Variants in CPNE4 observed in about 807,000 individuals in gnomAD.
CPNE4 encodes the protein copine 4.
A neutral mutation model predicts 67.9 loss-of-function variants in CPNE4; 25 were observed. That is an observed-to-expected ratio of 0.37 (90% CI 0.27 to 0.51). The LOEUF is 0.51. Ranked by LOEUF, CPNE4 falls within the 20% of genes least tolerant of loss-of-function variation. CPNE4 has a pLI of 0.93. For missense variants in CPNE4, 464 were observed against 690.8 expected, an observed-to-expected ratio of 0.67 and a Z score of 3.68; for synonymous variants, 242 against 244.9, an observed-to-expected ratio of 0.99 and a Z score of 0.11.
intron 1 of CPNE4, among the ~76,000 whole-genome samples, chr3:132,014,894 G>T (rs866557231): frequency 6.6e-6 from 1 of 152,042 alleles, no homozygotes; most frequent in Admixed American, 6.6e-5. Context: ...TTTTAAAATG[G>T]ATCCTATTAT....
intron 7 of CPNE4, among the ~76,000 whole-genome samples, chr3:131,665,984 G>A (rs2080249368): frequency 6.6e-6 from 1 of 152,190 alleles, no homozygotes; most frequent in Non-Finnish European, 1.5e-5. Flanking sequence ...ATATTATCAA[G>A]TTTTGGGTTT....
intron 2 of CPNE4, among the ~76,000 whole-genome samples, chr3:131,870,182 G>T (rs913010487): frequency 1.3e-5 from 2 of 152,164 alleles, no homozygotes; most frequent in South Asian, 4.1e-4. Context: ...ACAATCCTAG[G>T]GCTCACATGG....
intron 8 of CPNE4, among the ~76,000 whole-genome samples, chr3:131,582,820 C>G (rs896283591): frequency 3.3e-5 from 5 of 151,754 alleles, no homozygotes; most frequent in Admixed American, 3.3e-4. Flanking sequence ...CCTGGCCATC[C>G]TGGCTGCTGA....
chr3:131,963,808 C>T (rs74490477), intron 1 of CPNE4, among the ~76,000 whole-genome samples: 18,753 of 152,182 alleles, frequency 0.12, 3,798 homozygotes, highest in African/African-American at 0.42. Flanking sequence ...GTTGGCACTA[C>T]GGCAGACTTA....
At chr3:132,005,340 TATACACACACACACACACACAC>T (rs1158754441) in intron 1 of CPNE4, among the ~76,000 whole-genome samples, 9 of 27,188 alleles carry the variant, frequency 3.3e-4, no homozygotes, top group African/African-American at 1.1e-3. Flanking sequence ...TATATATATA[TATACACACACACACACACACAC>T]ACACACACAC....
intron 3 of CPNE4, among the ~76,000 whole-genome samples, chr3:131,717,921 T>TCTTTCTTTCTTTC (rs1398617044): frequency 2.5e-4 from 36 of 146,606 alleles, no homozygotes; most frequent in African/African-American, 8.5e-4. Flanking sequence ...TTTCTTTCTT[T>TCTTTCTTTCTTTC]CTTTCTTTCT....
intron 1 of CPNE4, among the ~76,000 whole-genome samples, chr3:131,941,057 A>G (rs1381078): frequency 0.18 from 27,921 of 151,998 alleles, 3,301 homozygotes; most frequent in African/African-American, 0.34. Context: ...AGACACTATT[A>G]GGCATTTTAA....
intron 2 of CPNE4, among the ~76,000 whole-genome samples, chr3:131,848,956 CAAAAAA>C (rs67407668): frequency 1.3e-4 from 10 of 79,632 alleles, no homozygotes; most frequent in East Asian, 7.4e-4. Flanking sequence ...GTAGTGATTA[CAAAAAA>C]AAAAAAAAAA....
chr3:131,737,920 A>G (rs763290362), intron 2 of CPNE4, among the ~76,000 whole-genome samples: 2 of 152,178 alleles, frequency 1.3e-5, no homozygotes, highest in African/African-American at 4.8e-5. Context: ...AATGATTCCA[A>G]TTAGCAATTT....
At chr3:131,708,957 G>GATAT (rs202119937) in intron 3 of CPNE4, among the ~76,000 whole-genome samples, 2,476 of 65,472 alleles carry the variant, frequency 0.038, 214 homozygotes, top group Non-Finnish European at 0.05. Context: ...AGGGCATAAA[G>GATAT]ATATATATAT....
At chr3:131,863,873 A>C (rs375338928) in intron 2 of CPNE4, among the ~76,000 whole-genome samples, 1 of 152,132 alleles carries the variant, frequency 6.6e-6, no homozygotes, top group African/African-American at 2.4e-5. Flanking sequence ...ATCTTGAATT[A>C]ATTTTTGTAT....
At chr3:131,603,037 A>AT (rs145270570) in intron 7 of CPNE4, among the ~76,000 whole-genome samples, 20,158 of 151,892 alleles carry the variant, frequency 0.13, 1,918 homozygotes, top group African/African-American at 0.26. Flanking sequence ...CTCCTTTACA[A>AT]TTTTTTTGGG....
At chr3:131,704,509 T>G (rs899031697) in intron 3 of CPNE4, among the ~76,000 whole-genome samples, 60 of 152,224 alleles carry the variant, frequency 3.9e-4, no homozygotes, top group Admixed American at 2.0e-4. Flanking sequence ...ATGCACCCTT[T>G]ATTTTATTGG....
Position 131,615,977 on chromosome 3 carries a change from G to A in CPNE4, c.682-28395C>T, listed in dbSNP as rs375110874. On this transcript the variant is annotated intron_variant, in intron 7 of 15. Coordinates refer to ENST00000429747, the MANE Select transcript of CPNE4 (RefSeq NM_130808.3). ...AAAGAACATTTGCTACTCCACCCCC[G>A]CCACAGCCCCCTTCTGAGGGTTTCT... Among the ~76,000 whole-genome samples the A allele has an allele frequency of 1.2e-4, 17 of 144,240 alleles. No individual in the cohort carries two copies. In the East Asian group the frequency reaches 2.7e-3, roughly 23 times the overall value. The allele number at this position is 144,240 out of a possible 152,430, so 94.6% of individuals were successfully genotyped here. A position where few individuals can be genotyped will look rare whatever the true frequency, so the allele number is the denominator to read the frequency against.
intron 1 of CPNE4, among the ~76,000 whole-genome samples, chr3:132,006,420 T>C (rs368167287): frequency 6.6e-6 from 1 of 152,076 alleles, no homozygotes; most frequent in Non-Finnish European, 1.5e-5. Context: ...TTAAGAAAAA[T>C]GAACAGCATA....
chr3:131,890,866 G>A (rs2088086576), intron 2 of CPNE4, among the ~76,000 whole-genome samples: 1 of 152,114 alleles, frequency 6.6e-6, no homozygotes, highest in Admixed American at 6.6e-5. Flanking sequence ...AACACTGCAT[G>A]ATTCCTCTTA....
At chr3:131,629,868 C>G (rs2079174521) in intron 7 of CPNE4, among the ~76,000 whole-genome samples, 1 of 152,090 alleles carries the variant, frequency 6.6e-6, no homozygotes, top group South Asian at 2.1e-4. Flanking sequence ...TGAAGTATGC[C>G]TGTAATAGGC....
chr3:131,931,564 T>C (rs945016230), intron 1 of CPNE4, among the ~76,000 whole-genome samples: 17 of 152,106 alleles, frequency 1.1e-4, no homozygotes, highest in Non-Finnish European at 2.4e-4. Flanking sequence ...CCTTACCTAA[T>C]TGCAATTATG....
intron 2 of CPNE4, among the ~76,000 whole-genome samples, chr3:131,799,319 T>C (rs2084007783): frequency 6.6e-6 from 1 of 152,120 alleles, no homozygotes. Context: ...ATATTACCAC[T>C]ATTATAATCT....
Sources: allele counts gnomAD v4.1 joint callset (sites outside exome capture counted in the v4.1 genomes callset), GRCh38; gene constraint gnomAD v4.1.1; transcripts MANE v1.5; gene names NCBI Gene and HGNC (gene_info 2026-07-23, HGNC 2026-07-21).